Variants in NUP35 observed in about 807,000 individuals in gnomAD.
NUP35 encodes the protein nucleoporin 35.
A neutral mutation model predicts 41.5 loss-of-function variants in NUP35; 25 were observed. The ratio of observed to expected loss-of-function variants is 0.60; its 90% CI spans 0.44 to 0.84. NUP35 has a LOEUF of 0.84. Among genes scored for constraint, NUP35 ranks in the 40% least tolerant of loss-of-function variants. NUP35 has a pLI of 0.00. For missense variants in NUP35, 396 were observed against 396.6 expected (o/e 1.00, Z 0.01); for synonymous variants, 149 against 130.7 (o/e 1.14, Z -0.96).
At chr2:183,144,338 G>A (rs1235211289) in intron 4 of NUP35, among the ~76,000 whole-genome samples, 1 of 152,176 alleles carries the variant, frequency 6.6e-6, no homozygotes, top group African/African-American at 2.4e-5. Context: ...TTACCAATCA[G>A]GTGGTTGAGT....
chr2:183,154,733 A>G (rs538694023), intron 5 of NUP35, among the ~76,000 whole-genome samples: 1 of 152,216 alleles, frequency 6.6e-6, no homozygotes, highest in Non-Finnish European at 1.5e-5. Context: ...ACCTCTGCCT[A>G]TTAGCCAGTT....
At chr2:183,135,948 C>G (rs1282185526) in intron 4 of NUP35, among the ~76,000 whole-genome samples, 1 of 152,016 alleles carries the variant, frequency 6.6e-6, no homozygotes, top group Non-Finnish European at 1.5e-5. Context: ...ATTAAACACT[C>G]TGGTTAAGGC....
intron 4 of NUP35, among the ~76,000 whole-genome samples, chr2:183,141,701 A>G (rs1488646110): frequency 1.3e-5 from 2 of 152,162 alleles, no homozygotes; most frequent in Non-Finnish European, 2.9e-5. Flanking sequence ...ATTTTAAGCA[A>G]ACATTCTGCT....
chr2:183,150,293 G>GCTTT (rs1358528644), intron 4 of NUP35, among the ~76,000 whole-genome samples: 1 of 152,168 alleles, frequency 6.6e-6, no homozygotes, highest in Non-Finnish European at 1.5e-5. Context: ...CTCGCTTAGA[G>GCTTT]CTTTAGCTTT....
chr2:183,125,827 G>A (rs545835020), intron 1 of NUP35, among the ~76,000 whole-genome samples: 1 of 152,268 alleles, frequency 6.6e-6, no homozygotes, highest in South Asian at 2.1e-4. Context: ...TAAAACTAAG[G>A]GTTGACTTCA....
intron 7 of NUP35, among the ~76,000 whole-genome samples, chr2:183,159,041 G>A (rs1053522687): frequency 6.6e-6 from 1 of 152,044 alleles, no homozygotes; most frequent in Non-Finnish European, 1.5e-5. Context: ...GCAAGATGTG[G>A]TTCCTATTCT....
intron 4 of NUP35, among the ~76,000 whole-genome samples, chr2:183,149,212 T>C (rs1685380878): frequency 6.6e-6 from 1 of 152,208 alleles, no homozygotes; most frequent in East Asian, 1.9e-4. Flanking sequence ...TGTCTTAGTT[T>C]TGTAGTTTTT....
intron 4 of NUP35, among the ~76,000 whole-genome samples, chr2:183,147,408 G>A (rs77338622): frequency 0.012 from 1,775 of 152,162 alleles, 21 homozygotes; most frequent in Non-Finnish European, 0.017. Flanking sequence ...CATATGGTTA[G>A]CTAGTTTTCC....
At chr2:183,132,824 A>G (rs1195986953) in intron 3 of NUP35, among the ~76,000 whole-genome samples, 5 of 152,198 alleles carry the variant, frequency 3.3e-5, no homozygotes, top group Non-Finnish European at 7.3e-5. Context: ...TCTAATCATG[A>G]AAGAATTGGC....
intron 3 of NUP35, among the ~76,000 whole-genome samples, chr2:183,132,398 AC>A (rs915548446): frequency 1.4e-5 from 2 of 139,730 alleles, no homozygotes; most frequent in South Asian, 2.3e-4. Flanking sequence ...TACTGAAAAT[AC>A]AAAAAAAAAA....
In NUP35 at chr2:183,157,390, CATTCACA is replaced by C; in HGVS notation, c.540-53_540-47del. ...TGAAACATTATCTTGTAGTAATTTGCATTCACATTGATAGTAGAAGCTGACGTTTTCT... is the reference window on the plus strand; with the variant it reads ...TGAAACATTATCTTGTAGTAATTTGCTTGATAGTAGAAGCTGACGTTTTCT... On this transcript the variant is annotated intron_variant, in intron 5 of 8. Coordinates refer to ENST00000295119, the MANE Select transcript of NUP35 (RefSeq NM_138285.5). 3.3e-6 allele frequency: 4 copies of C among 1,227,598 alleles called. No individual in the cohort carries two copies. In the Admixed American group the frequency reaches 5.1e-5, roughly 16 times the overall value. 76.0% of individuals were successfully genotyped at this position (1,227,598 alleles called of 1,614,324 possible). A position where few individuals can be genotyped will look rare whatever the true frequency, so the allele number is the denominator to read the frequency against.
upstream of NUP35, chr2:183,123,788 C>G (rs1559139667): frequency 1.0e-6 from 1 of 985,320 alleles, no homozygotes; most frequent in East Asian, 1.1e-4. Flanking sequence ...ATGGCACATG[C>G]AGAAGCACGC....
upstream of NUP35, chr2:183,123,881 A>G (rs1157067140): frequency 1.2e-5 from 11 of 895,722 alleles, no homozygotes; most frequent in South Asian, 1.5e-4. Context: ...TTCGTTAGCT[A>G]TATTTTTGTA....
At chr2:183,133,472 A>G (rs1684766280) in intron 3 of NUP35, 94 bp from the exon 4 acceptor site, 3 of 963,628 alleles carry the variant, frequency 3.1e-6, no homozygotes, top group African/African-American at 3.4e-5. Context: ...CTAGCACATG[A>G]TAAAAATTCA....
chr2:183,130,489 T>C lies in NUP35; in HGVS notation c.283T>C (p.Tyr95His). 1.2e-6 allele frequency: 2 copies of C among 1,610,972 alleles called. No homozygotes were observed. Among genetic ancestry groups the C allele is most frequent in the Non-Finnish European group, 1.7e-6 (2 of 1,179,502 alleles). ...KSGAPPVRSI[Y>H]DDISSPGLGS... ...TGGCGCTCCACCAGTTAGAAGTATA[T>C]ATGATGACATTTCTAGCCCAGGACT... Residue 95 changes from tyrosine to histidine, a missense_variant, in exon 3 of 9, where the codon TAT becomes CAT. Physicochemically the swap from Tyr to His is moderately conservative, Grantham distance 83. Coordinates refer to ENST00000295119, the MANE Select transcript of NUP35 (RefSeq NM_138285.5).
intron 8 of NUP35, chr2:183,159,927 C>T (rs1261867217): frequency 2.7e-5 from 9 of 332,634 alleles, no homozygotes; most frequent in Non-Finnish European, 4.4e-5. Context: ...TGCATACATA[C>T]GAAATGTATC....
chr2:183,140,009 G>T (rs2105573844), intron 4 of NUP35, among the ~76,000 whole-genome samples: 1 of 152,244 alleles, frequency 6.6e-6, no homozygotes, highest in Non-Finnish European at 1.5e-5. Context: ...ATCCAACTTG[G>T]CAAGGCATGA....
rs10167838 is a variant in NUP35 at position 183,146,329 on chromosome 2, C to T, written c.398-5179C>T. 6.0e-3 allele frequency among the ~76,000 whole-genome samples: 907 copies of T among 152,260 alleles called. 4 individuals are homozygous for T. The highest frequency in any genetic ancestry group is 0.02 in the African/African-American group (847 of 41,544). On this transcript the variant is annotated intron_variant, in intron 4 of 8. Transcript: ENST00000295119. Reference sequence around the variant, plus strand: ...TTGAATTCAAATTTAGAAACTAGAACTAATCTAATTTAACCTATTAATGTA... The same window carrying T: ...TTGAATTCAAATTTAGAAACTAGAATTAATCTAATTTAACCTATTAATGTA...
At chr2:183,145,118 A>T (rs1323397079) in intron 4 of NUP35, among the ~76,000 whole-genome samples, 2 of 152,208 alleles carry the variant, frequency 1.3e-5, no homozygotes, top group Admixed American at 1.3e-4. Context: ...GTAGTAACTA[A>T]AATTAGTTAA....
Sources: allele counts gnomAD v4.1 joint callset (sites outside exome capture counted in the v4.1 genomes callset), GRCh38; gene constraint gnomAD v4.1.1; transcripts MANE v1.5; gene names NCBI Gene and HGNC (gene_info 2026-07-23, HGNC 2026-07-21).